The following BCO1 variants were observed in gnomAD, a reference collection of about 807,000 sequenced individuals.
The protein encoded by BCO1 is beta,beta-carotene 15,15'-dioxygenase.
In BCO1, 54 loss-of-function variants were observed where a neutral mutation model predicts 56.3. The observed-to-expected ratio is 0.96, with a 90% confidence interval of 0.77 to 1.20. The LOEUF (loss-of-function observed/expected upper bound fraction) is 1.20, where lower values mean the gene tolerates loss of function less well. BCO1 is among the 50% of genes most tolerant of loss of function. The probability of loss-of-function intolerance (pLI) is 0.00; values close to 1 mark genes in which losing one functional copy is unlikely to be tolerated. For synonymous variants in BCO1, 318 were observed against 266.1 expected (o/e 1.20, Z -1.90); for missense variants, 801 against 690.9 (o/e 1.16, Z -1.79).
At chr16:81,278,989 AT>A (rs2150636935) in intron 7 of BCO1, among the ~76,000 whole-genome samples, 1 of 152,332 alleles carries the variant, frequency 6.6e-6, no homozygotes, top group East Asian at 1.9e-4. Flanking sequence ...TATAAAAGCC[AT>A]TTTGAGCCAG....
At chr16:81,277,569 C>T (rs1168370334) in intron 7 of BCO1, among the ~76,000 whole-genome samples, 2 of 152,170 alleles carry the variant, frequency 1.3e-5, no homozygotes, top group African/African-American at 2.4e-5. Flanking sequence ...ATCACCACCC[C>T]GATTTTACAC....
chr16:81,268,324 C>G (rs538784047), intron 6 of BCO1, among the ~76,000 whole-genome samples, 193 bp downstream of exon 6: 1 of 152,288 alleles, frequency 6.6e-6, no homozygotes, highest in East Asian at 1.9e-4. Flanking sequence ...TTTGTACCCC[C>G]ACGGTGATGA....
In BCO1 at chr16:81,245,471, T is replaced by C. The variant is rs1456657295; in HGVS notation, c.65-4T>C. ...GGGAAACTAAACATTCTCTCTTTTC[T>C]CAGGCAAGATTCCAGCATGGCTGCA... On this transcript the variant is annotated splice_region_variant and splice_polypyrimidine_tract_variant and intron_variant, in intron 1 of 10. Transcript: ENST00000258168. 1 of 1,614,230 alleles carries C rather than the reference T, an allele frequency of 6.2e-7. No individual in the cohort carries two copies.
chr16:81,257,533 G>A (rs1477047994), intron 2 of BCO1, among the ~76,000 whole-genome samples: 2 of 151,386 alleles, frequency 1.3e-5, no homozygotes, highest in Non-Finnish European at 2.9e-5. Context: ...CCAAAGTGCT[G>A]GGATTACAGG....
chr16:81,262,655 C>G, intron 4 of BCO1: 1 of 327,492 alleles, frequency 3.1e-6, no homozygotes. Context: ...TGGTGAAACC[C>G]CATCTCTACC....
At chr16:81,272,807 A>G (rs1349759990) in intron 7 of BCO1, among the ~76,000 whole-genome samples, 1 of 152,148 alleles carries the variant, frequency 6.6e-6, no homozygotes, top group Non-Finnish European at 1.5e-5. Context: ...TTCTTACCTC[A>G]CTTAATGATC....
At chr16:81,261,867 G>A (rs1269465669) in intron 3 of BCO1, 6 of 383,402 alleles carry the variant, frequency 1.6e-5, no homozygotes, top group East Asian at 6.2e-5. Context: ...TCAGCCTCCC[G>A]AGTAGCTGGG....
chr16:81,266,944 T>G (rs1397785263), intron 5 of BCO1, among the ~76,000 whole-genome samples: 1 of 152,118 alleles, frequency 6.6e-6, no homozygotes, highest in Non-Finnish European at 1.5e-5. Flanking sequence ...GGTGCACAGG[T>G]GGCCACAAGA....
intron 3 of BCO1, chr16:81,261,900 C>A (rs1906506525): frequency 2.3e-6 from 1 of 426,164 alleles, no homozygotes; most frequent in Admixed American, 3.4e-5. Flanking sequence ...TGCCACCACG[C>A]CCGGCTGATT....
rs1376462229 is a variant in BCO1 at position 81,287,417 on chromosome 16, A to G, written c.1414+11A>G. ...AGGATGAGGATGACGGTAAGACTCT[A>G]AGAAGCCACGCCTAGTTGCTGCACG... is the stretch of plus-strand genomic sequence containing the variant. On this transcript the variant is annotated intron_variant, in intron 10 of 10. Transcript: ENST00000258168. The G allele has an allele frequency of 6.2e-7, 1 of 1,606,966 alleles. No homozygotes were observed.
At chr16:81,249,419 G>C (rs1425175376) in intron 2 of BCO1, among the ~76,000 whole-genome samples, 1 of 152,062 alleles carries the variant, frequency 6.6e-6, no homozygotes. Context: ...ACCACGCCTG[G>C]CTAATTTTTT....
intron 7 of BCO1, among the ~76,000 whole-genome samples, chr16:81,279,159 C>G (rs961840294): frequency 6.6e-6 from 1 of 152,068 alleles, no homozygotes; most frequent in Non-Finnish European, 1.5e-5. Context: ...TGCCCGTAGT[C>G]CCCCAGCTAC....
At chr16:81,275,072 T>A (rs924286948) in intron 7 of BCO1, among the ~76,000 whole-genome samples, 11 of 152,198 alleles carry the variant, frequency 7.2e-5, no homozygotes, top group Non-Finnish European at 1.6e-4. Context: ...CATAGTGAAA[T>A]CAGAAAGTCA....
intron 7 of BCO1, among the ~76,000 whole-genome samples, chr16:81,280,152 A>G (rs568322653): frequency 2.0e-5 from 3 of 151,262 alleles, no homozygotes; most frequent in African/African-American, 7.3e-5. Flanking sequence ...AATCCCAGCT[A>G]CTCTGGAGGC....
chr16:81,278,080 C>T (rs531620000), intron 7 of BCO1, among the ~76,000 whole-genome samples: 13 of 152,114 alleles, frequency 8.5e-5, no homozygotes, highest in East Asian at 5.8e-4. Context: ...CTCGCTCTGT[C>T]GCCCAGGCTG....
Position 81,259,753 on chromosome 16 carries a change from T to C in BCO1, c.271T>C (p.Ser91Pro). 6.2e-7 allele frequency: 1 copy of C among 1,614,230 alleles called. No homozygotes were observed. ...TNIEANRIVV[S>P]EFGTMAYPDP... Reference sequence around the variant, plus strand: ...TATTGAGGCAAACAGGATTGTGGTGTCTGAGTTTGGAACAATGGCCTATCC... The same window carrying C: ...TATTGAGGCAAACAGGATTGTGGTGCCTGAGTTTGGAACAATGGCCTATCC... The change falls in exon 3 of 11, where the codon TCT (serine) becomes CCT (proline). Residue 91 changes from serine (S) to proline (P), a missense_variant. By Grantham distance (74) the Ser-to-Pro change is moderately conservative (BLOSUM62 -1). Transcript: ENST00000258168.
At chr16:81,278,016 T>C (rs1479841227) in intron 7 of BCO1, among the ~76,000 whole-genome samples, 3 of 151,980 alleles carry the variant, frequency 2.0e-5, no homozygotes, top group African/African-American at 7.2e-5. Context: ...GCCATGGAGG[T>C]GGAGGCATTG....
intron 8 of BCO1, among the ~76,000 whole-genome samples, chr16:81,285,086 C>T (rs1031815451): frequency 1.1e-4 from 17 of 152,004 alleles, no homozygotes; most frequent in South Asian, 2.1e-4. Context: ...GTGATCTGCC[C>T]GCCTCGGCCT....
At chr16:81,265,197 C>G (rs1906735179) in intron 5 of BCO1, among the ~76,000 whole-genome samples, 1 of 151,226 alleles carries the variant, frequency 6.6e-6, no homozygotes, top group South Asian at 2.1e-4. Context: ...ATTCATCCAC[C>G]TATCCATCAC....
Sources: allele counts gnomAD v4.1 joint callset (sites outside exome capture counted in the v4.1 genomes callset), GRCh38; gene constraint gnomAD v4.1.1; transcripts MANE v1.5; gene names NCBI Gene and HGNC (gene_info 2026-07-23, HGNC 2026-07-21).